ERBB4: variants seen among roughly 807,000 people sequenced by gnomAD.
The protein encoded by ERBB4 is receptor tyrosine-protein kinase erbB-4.
In ERBB4, 42 loss-of-function variants were observed where a neutral mutation model predicts 158.0. The ratio of observed to expected loss-of-function variants is 0.27; its 90% CI spans 0.21 to 0.34. The LOEUF is 0.34. Ranked by LOEUF, ERBB4 falls within the 10% of genes least tolerant of loss-of-function variation. The pLI, the probability that ERBB4 is intolerant of heterozygous loss-of-function variation, is 1.00. For synonymous variants in ERBB4, 583 were observed against 558.7 expected, an observed-to-expected ratio of 1.04 and a Z score of -0.61; for missense variants, 1,333 against 1,624.1, an observed-to-expected ratio of 0.82 and a Z score of 3.08.
intron 20 of ERBB4, among the ~76,000 whole-genome samples, chr2:211,492,070 G>GAAAA (rs35459917): frequency 6.2e-5 from 9 of 144,986 alleles, no homozygotes; most frequent in Non-Finnish European, 6.1e-5. Flanking sequence ...CTCACCTTAA[G>GAAAA]AAAAAAAAAA....
chr2:212,053,443 T>C (rs779809211), intron 2 of ERBB4, among the ~76,000 whole-genome samples: 1 of 152,068 alleles, frequency 6.6e-6, no homozygotes, highest in Non-Finnish European at 1.5e-5. Flanking sequence ...CCTCATAGTA[T>C]GGGCCACAAC....
At chr2:212,332,703 C>A (rs2088236995) in intron 1 of ERBB4, among the ~76,000 whole-genome samples, 1 of 152,032 alleles carries the variant, frequency 6.6e-6, no homozygotes, top group South Asian at 2.1e-4. Context: ...GTAACTCAAT[C>A]AGCCTCTTCA....
At chr2:211,768,228 G>A (rs2075603908) in intron 4 of ERBB4, among the ~76,000 whole-genome samples, 1 of 152,166 alleles carries the variant, frequency 6.6e-6, no homozygotes, top group African/African-American at 2.4e-5. Flanking sequence ...GGGCTCTGAA[G>A]GCCTTGGGCA....
intron 3 of ERBB4, among the ~76,000 whole-genome samples, chr2:211,855,780 G>T (rs1242300553): frequency 6.6e-6 from 1 of 151,950 alleles, no homozygotes; most frequent in African/African-American, 2.4e-5. Flanking sequence ...GTTTGTCCTT[G>T]GGCCTTTGCA....
At chr2:211,580,877 A>T (rs1158592679) in intron 19 of ERBB4, among the ~76,000 whole-genome samples, 190 of 8,404 alleles carry the variant, frequency 0.023, 24 homozygotes, top group African/African-American at 0.072. Context: ...ATATATATAT[A>T]TATATATATA....
intron 1 of ERBB4, among the ~76,000 whole-genome samples, chr2:212,233,569 C>T (rs1180682034): frequency 2.0e-5 from 3 of 149,686 alleles, no homozygotes; most frequent in African/African-American, 5.1e-5. Flanking sequence ...TTAAACATGC[C>T]GATTAGACAG....
chr2:211,450,540 C>A (rs932192240), intron 20 of ERBB4, among the ~76,000 whole-genome samples: 2 of 151,738 alleles, frequency 1.3e-5, no homozygotes, highest in Non-Finnish European at 2.9e-5. Flanking sequence ...GAGAAGTAAT[C>A]GATTTGAAAG....
At chr2:211,812,033 C>T (rs757045901) in intron 3 of ERBB4, among the ~76,000 whole-genome samples, 3 of 152,196 alleles carry the variant, frequency 2.0e-5, no homozygotes, top group Admixed American at 6.5e-5. Flanking sequence ...TCTGTCAGCT[C>T]GTCAAAGTTA....
chr2:212,047,061 A>G (rs1468713263), intron 2 of ERBB4, among the ~76,000 whole-genome samples: 2 of 152,212 alleles, frequency 1.3e-5, no homozygotes, highest in Non-Finnish European at 2.9e-5. Flanking sequence ...TGTAATAGCC[A>G]TTATTCTCCC....
intron 6 of ERBB4, among the ~76,000 whole-genome samples, chr2:211,724,540 G>T (rs1259595758): frequency 6.6e-6 from 1 of 151,712 alleles, no homozygotes; most frequent in Non-Finnish European, 1.5e-5. Context: ...TGACATGTAT[G>T]CCAAAGACAA....
chr2:211,541,314 C>T lies in ERBB4; in HGVS notation c.2487+20589G>A, dbSNP rs568117824. 3.9e-5 allele frequency among the ~76,000 whole-genome samples: 6 copies of T among 151,978 alleles called. No individual in the cohort carries two copies. In the South Asian group the frequency reaches 1.0e-3, roughly 26 times the overall value. On this transcript the variant is annotated intron_variant, in intron 20 of 27. Coordinates refer to ENST00000342788, the MANE Select transcript of ERBB4 (RefSeq NM_005235.3). Reference sequence around the variant, plus strand: ...AAATAAATAAGAAGAAATTGAGCTACTTTTTGTGTCTCCCTAGACTATCTT... The same window carrying T: ...AAATAAATAAGAAGAAATTGAGCTATTTTTTGTGTCTCCCTAGACTATCTT...
intron 3 of ERBB4, among the ~76,000 whole-genome samples, chr2:211,903,875 C>T (rs1378354256): frequency 1.3e-5 from 2 of 151,682 alleles, no homozygotes. Flanking sequence ...AAAAGAAACA[C>T]AACTGCTGAT....
At chr2:211,405,549 G>T (rs2063129648) in intron 25 of ERBB4, among the ~76,000 whole-genome samples, 1 of 151,988 alleles carries the variant, frequency 6.6e-6, no homozygotes, top group Admixed American at 6.6e-5. Context: ...ATATTTGGAT[G>T]CCCATTATTC....
intron 1 of ERBB4, among the ~76,000 whole-genome samples, chr2:212,438,036 CAT>C (rs1305955321): frequency 2.0e-5 from 3 of 152,010 alleles, no homozygotes; most frequent in Non-Finnish European, 4.4e-5. Context: ...TCTGTTCGCA[CAT>C]GTTTAGAGTG....
At chr2:211,726,012 T>A (rs971923577) in intron 5 of ERBB4, among the ~76,000 whole-genome samples, 1 of 152,196 alleles carries the variant, frequency 6.6e-6, no homozygotes, top group Non-Finnish European at 1.5e-5. Context: ...TCCATCAACA[T>A]TATAGCAATA....
At chr2:211,607,943 C>T (rs950420861) in intron 19 of ERBB4, among the ~76,000 whole-genome samples, 1 of 139,776 alleles carries the variant, frequency 7.2e-6, no homozygotes, top group Non-Finnish European at 1.5e-5. Flanking sequence ...GATCTCTGCT[C>T]ACTGCTGTCT....
Position 211,887,377 on chromosome 2 carries a change from G to A in ERBB4, c.421+60053C>T, listed in dbSNP as rs150537568. Among the ~76,000 whole-genome samples, 757 of 151,720 alleles carry A rather than the reference G, an allele frequency of 5.0e-3. 8 individuals are homozygous for A. Among genetic ancestry groups the A allele is most frequent in the Middle Eastern group, 0.014 (4 of 294 alleles). On this transcript the variant is annotated intron_variant, in intron 3 of 27. Coordinates refer to ENST00000342788, the MANE Select transcript of ERBB4 (RefSeq NM_005235.3). The stretch of plus-strand genomic sequence containing the variant: ...CATTGAATAATTGTATTTTACATCT[G>A]TTAGAATCAAGATTTCACACAGTTA...
chr2:211,619,915 A>G (rs1197845470), intron 18 of ERBB4, among the ~76,000 whole-genome samples: 10 of 152,102 alleles, frequency 6.6e-5, no homozygotes, highest in Non-Finnish European at 1.5e-5. Flanking sequence ...AAGGAATTTT[A>G]TTATCTCTGA....
chr2:212,152,698 T>C (rs548380714), intron 1 of ERBB4, among the ~76,000 whole-genome samples: 1 of 152,286 alleles, frequency 6.6e-6, no homozygotes, highest in African/African-American at 2.4e-5. Context: ...AACTGCCTAT[T>C]GAATATCTCC....
Sources: gnomAD v4.1 joint callset for allele counts (sites outside exome capture counted in the v4.1 genomes callset) on GRCh38, gnomAD v4.1.1 for gene constraint, MANE v1.5 for transcripts, NCBI Gene and HGNC (gene_info 2026-07-23, HGNC 2026-07-21) for gene names.